RBPMS: variants seen among roughly 807,000 people sequenced by gnomAD.
RBPMS encodes the protein RNA-binding protein with multiple splicing.
RBPMS carries 7 observed loss-of-function variants against 26.8 expected under a neutral mutation model. That is an observed-to-expected ratio of 0.26 (90% CI 0.15 to 0.49). The LOEUF (loss-of-function observed/expected upper bound fraction) is 0.49. Among genes scored for constraint, RBPMS ranks in the 20% least tolerant of loss-of-function variants. RBPMS has a pLI of 0.98. For missense variants in RBPMS, 186 were observed against 250.0 expected (o/e 0.74, Z 1.73); for synonymous variants, 96 against 93.3 (o/e 1.03, Z -0.17).
At chr8:30,537,689 T>G (rs1440204584) in intron 5 of RBPMS, 2 of 455,222 alleles carry the variant, frequency 4.4e-6, no homozygotes, top group Non-Finnish European at 8.8e-6. Flanking sequence ...TTGGGCTGGA[T>G]ATTTAACCTC....
chr8:30,528,802 TG>T (rs1020248987), intron 5 of RBPMS, among the ~76,000 whole-genome samples: 11 of 152,014 alleles, frequency 7.2e-5, no homozygotes, highest in Admixed American at 6.6e-5. Flanking sequence ...GACCCCAAGG[TG>T]GGGGTTTTTT....
At chr8:30,461,684 C>T (rs1217392491) in intron 1 of RBPMS, among the ~76,000 whole-genome samples, 7 of 152,134 alleles carry the variant, frequency 4.6e-5, no homozygotes, top group African/African-American at 7.2e-5. Flanking sequence ...TGTGAGCCAC[C>T]GCACCCGGCC....
Position 30,446,834 on chromosome 8 carries a change from TGTGTGTGTGC to T in RBPMS, c.67-27943_67-27934del, listed in dbSNP as rs1256592325. On this transcript the variant is annotated intron_variant, in intron 1 of 8. Transcript: ENST00000397323. ...GTGTGTGTGTGTGTGTGTGTGTGTG[TGTGTGTGTGC>T]GCGCGCGCGCGCGCGGTGGAGGGTA... is the stretch of plus-strand genomic sequence containing the variant. The T allele has an allele frequency of 1.7e-3, 173 of 102,006 alleles. 3 individuals are homozygous for T. The highest frequency in any genetic ancestry group is 8.8e-3 in the Middle Eastern group (2 of 226). 6.3% of individuals were successfully genotyped at this position (102,006 alleles called of 1,614,324 possible). A position where few individuals can be genotyped will look rare whatever the true frequency, so the allele number is the denominator to read the frequency against.
chr8:30,440,478 A>G (rs1318422646), intron 1 of RBPMS, among the ~76,000 whole-genome samples: 1 of 152,160 alleles, frequency 6.6e-6, no homozygotes, highest in Non-Finnish European at 1.5e-5. Context: ...AAGTCAGCCT[A>G]ATGTACTCAA....
intron 1 of RBPMS, among the ~76,000 whole-genome samples, chr8:30,451,021 CT>C (rs1258956490): frequency 6.6e-6 from 1 of 151,992 alleles, no homozygotes; most frequent in Non-Finnish European, 1.5e-5. Flanking sequence ...AAATAGACTC[CT>C]TGAAAAGCCC....
At chr8:30,506,373 A>G (rs372196800) in intron 5 of RBPMS, among the ~76,000 whole-genome samples, 3 of 151,418 alleles carry the variant, frequency 2.0e-5, no homozygotes, top group African/African-American at 7.3e-5. Context: ...AGCAGCCAGC[A>G]GTGTATTCTT....
intron 5 of RBPMS, among the ~76,000 whole-genome samples, chr8:30,514,982 A>C (rs1017573405): frequency 1.3e-5 from 2 of 152,062 alleles, no homozygotes; most frequent in Non-Finnish European, 2.9e-5. Context: ...GATTTTTAAA[A>C]ATCTTTTTTA....
chr8:30,518,364 C>T (rs1387788825), intron 5 of RBPMS, among the ~76,000 whole-genome samples: 1 of 152,072 alleles, frequency 6.6e-6, no homozygotes, highest in East Asian at 1.9e-4. Flanking sequence ...AATCCAGGAC[C>T]TCGAGGTTGT....
chr8:30,556,618 C>G, intron 6 of RBPMS: 3 of 986,224 alleles, frequency 3.0e-6, no homozygotes, highest in Non-Finnish European at 3.6e-6. Flanking sequence ...CCACACTGAC[C>G]CAGTGCACAC....
chr8:30,408,355 T>C (rs915041170), intron 1 of RBPMS, among the ~76,000 whole-genome samples: 1 of 152,068 alleles, frequency 6.6e-6, no homozygotes, highest in African/African-American at 2.4e-5. Flanking sequence ...GTGGCGAAAC[T>C]CTGTCTCTAC....
chr8:30,568,849 C>G (rs970296662), intron 8 of RBPMS, among the ~76,000 whole-genome samples: 7 of 152,208 alleles, frequency 4.6e-5, no homozygotes, highest in African/African-American at 1.7e-4. Flanking sequence ...ACCTTCTGTT[C>G]AGTCTGGGAT....
intron 1 of RBPMS, among the ~76,000 whole-genome samples, chr8:30,440,132 C>T (rs1419153365): frequency 1.3e-5 from 2 of 152,134 alleles, no homozygotes; most frequent in African/African-American, 4.8e-5. Flanking sequence ...GAGACGGGGT[C>T]TCATTCTATT....
At chr8:30,530,556 G>A (rs1197676727) in intron 5 of RBPMS, among the ~76,000 whole-genome samples, 1 of 152,108 alleles carries the variant, frequency 6.6e-6, no homozygotes, top group Non-Finnish European at 1.5e-5. Flanking sequence ...TCCGCTTCCT[G>A]GGTTCAAACG....
At chr8:30,392,352 G>A (rs544661463) in intron 1 of RBPMS, among the ~76,000 whole-genome samples, 33 of 152,272 alleles carry the variant, frequency 2.2e-4, no homozygotes, top group Middle Eastern at 3.4e-3. Context: ...TGAACACACA[G>A]AGGCTTCAAA....
At chr8:30,385,390 T>G (rs1806911566) in intron 1 of RBPMS, 1 of 389,270 alleles carries the variant, frequency 2.6e-6, no homozygotes, top group African/African-American at 2.1e-5. Context: ...CGGAGACTTT[T>G]GTAAGTATAA....
At chr8:30,551,791 C>T (rs964788571) in intron 6 of RBPMS, among the ~76,000 whole-genome samples, 2 of 152,198 alleles carry the variant, frequency 1.3e-5, no homozygotes, top group Non-Finnish European at 2.9e-5. Flanking sequence ...ATTTTAATGA[C>T]AGTTTCTACC....
chr8:30,564,362 TTC>T (rs1402915462), intron 7 of RBPMS: 2 of 152,214 alleles, frequency 1.3e-5, no homozygotes, highest in African/African-American at 2.4e-5. Flanking sequence ...TCAGAGACCT[TTC>T]TCTGTTTTCC....
intron 5 of RBPMS, among the ~76,000 whole-genome samples, chr8:30,519,699 G>C (rs1442178464): frequency 6.6e-6 from 1 of 151,670 alleles, no homozygotes; most frequent in Non-Finnish European, 1.5e-5. Context: ...GAGTTTAATA[G>C]AGAGACTATT....
chr8:30,468,727 G>A (rs923780667), intron 1 of RBPMS, among the ~76,000 whole-genome samples: 3 of 152,124 alleles, frequency 2.0e-5, no homozygotes, highest in African/African-American at 7.2e-5. Context: ...CCCATAGAAA[G>A]GTTTCATCTG....
Sources: gnomAD v4.1 joint callset for allele counts (sites outside exome capture counted in the v4.1 genomes callset) on GRCh38, gnomAD v4.1.1 for gene constraint, MANE v1.5 for transcripts, NCBI Gene and HGNC (gene_info 2026-07-23, HGNC 2026-07-21) for gene names.